A4GALT: variants seen among roughly 807,000 people sequenced by gnomAD.
A4GALT encodes the protein lactosylceramide 4-alpha-galactosyltransferase.
For missense variants in A4GALT, 512 were observed against 486.0 expected, an observed-to-expected ratio of 1.05 and a Z score of -0.50; for synonymous variants, 257 against 220.7, an observed-to-expected ratio of 1.16 and a Z score of -1.46.
chr22:42,715,931 C>G lies in A4GALT; in HGVS notation c.-188+4866G>C, dbSNP rs1922138285. On this transcript the variant is annotated intron_variant, in intron 1 of 2. Coordinates refer to ENST00000642412, the MANE Select transcript of A4GALT (RefSeq NM_017436.7). ...CACTGCAAACTCCGCCTCCTGCGTT[C>G]AAGCGATTCTTCTGCCTCAGCCTCC... Among the ~76,000 whole-genome samples the G allele has an allele frequency of 2.6e-5, 4 of 151,526 alleles. No homozygotes were observed. In the South Asian group the frequency reaches 8.3e-4, roughly 31 times the overall value.
At chr22:42,718,604 A>G (rs1236261969) in intron 1 of A4GALT, 2 of 152,184 alleles carry the variant, frequency 1.3e-5, no homozygotes, top group Non-Finnish European at 2.9e-5. Flanking sequence ...AAAAAAAGGC[A>G]AATGTTAACA....
intron 1 of A4GALT, among the ~76,000 whole-genome samples, chr22:42,713,383 A>G (rs2147035561): frequency 6.6e-6 from 1 of 152,358 alleles, no homozygotes; most frequent in South Asian, 2.1e-4. Flanking sequence ...TTGACTGTTC[A>G]TCCAACAAGT....
chr22:42,717,455 G>A (rs1922291266), intron 1 of A4GALT, among the ~76,000 whole-genome samples: 1 of 152,096 alleles, frequency 6.6e-6, no homozygotes, highest in South Asian at 2.1e-4. Flanking sequence ...CTCTGGGGAA[G>A]ATCAAAGCCA....
chr22:42,692,537 T>C lies in A4GALT; in HGVS notation c.*353A>G. On this transcript the variant is annotated 3_prime_UTR_variant, in exon 3 of 3. Coordinates refer to ENST00000642412, the MANE Select transcript of A4GALT (RefSeq NM_017436.7). This position sits in a 1 kb window ranked among gnomAD's most constrained non-coding sequence, Gnocchi z 4.6. ...TCTTGTCCCTTCTTCCCCATCCCCT[T>C]AGCACCGGCCTCTGCCCTCGTGGGC... The C allele has an allele frequency of 2.3e-6, 1 of 432,350 alleles. No individual in the cohort carries two copies. The highest frequency in any genetic ancestry group is 1.8e-5 in the South Asian group (1 of 54,594). 26.8% of individuals were successfully genotyped at this position (432,350 alleles called of 1,614,324 possible).
chr22:42,709,921 G>A (rs1009719687), intron 1 of A4GALT, among the ~76,000 whole-genome samples: 1 of 152,160 alleles, frequency 6.6e-6, no homozygotes, highest in African/African-American at 2.4e-5. Context: ...GATCTAAGCA[G>A]AAAAATCATC....
chr22:42,713,263 A>G (rs1403822665), intron 1 of A4GALT, among the ~76,000 whole-genome samples: 1 of 152,228 alleles, frequency 6.6e-6, no homozygotes, highest in East Asian at 1.9e-4. Context: ...AAGGGTGCAG[A>G]AGACCAAGTC....
intron 1 of A4GALT, among the ~76,000 whole-genome samples, chr22:42,713,032 G>A (rs984499816): frequency 1.3e-5 from 2 of 152,160 alleles, no homozygotes; most frequent in Non-Finnish European, 2.9e-5. Flanking sequence ...GAAGGGGCCT[G>A]TCTATCTTCT....
In A4GALT at chr22:42,693,569, A is replaced by C; in HGVS notation, c.383T>G (p.Leu128Arg). ...PGGNASLPRH[L>R]GISLLSCFPN... The stretch of plus-strand genomic sequence containing the variant: ...GAAGCAGCTCAGAAGTGAGATGCCC[A>C]GGTGCCGGGGCAGAGAGGCGTTGCC... Residue 128 changes from leucine to arginine, a missense_variant, in exon 3 of 3, where the codon CTG (leucine) becomes CGG (arginine). Transcript: ENST00000642412. 1 of 1,613,660 alleles carries C rather than the reference A, an allele frequency of 6.2e-7. No homozygotes were observed. The highest frequency in any genetic ancestry group is 1.1e-5 in the South Asian group (1 of 91,082).
intron 1 of A4GALT, among the ~76,000 whole-genome samples, chr22:42,711,498 T>C (rs1921691653): frequency 6.6e-6 from 1 of 152,222 alleles, no homozygotes; most frequent in African/African-American, 2.4e-5. Context: ...TTGAAGAGGC[T>C]GATTAAATAA....
intron 2 of A4GALT, 149 bp from the exon 3 acceptor site, chr22:42,694,146 C>G (rs1466300690): frequency 1.6e-6 from 1 of 618,022 alleles, no homozygotes; most frequent in Non-Finnish European, 2.8e-6. Flanking sequence ...TGAACCCCAG[C>G]CTGCTGGCTG....
chr22:42,697,162 A>T (rs79365412), intron 1 of A4GALT, among the ~76,000 whole-genome samples: 16,233 of 152,130 alleles, frequency 0.11, 1,528 homozygotes, highest in East Asian at 0.55. Flanking sequence ...CAGTGATTCC[A>T]TGAGTTAACC....
intron 1 of A4GALT, among the ~76,000 whole-genome samples, chr22:42,701,154 C>T (rs916310411): frequency 2.0e-5 from 3 of 152,344 alleles, no homozygotes; most frequent in East Asian, 1.9e-4. Flanking sequence ...CGTTGCCTCA[C>T]GGCTTCCTTC....
chr22:42,706,864 A>T (rs9620083), intron 1 of A4GALT, among the ~76,000 whole-genome samples: 52,647 of 151,798 alleles, frequency 0.35, 10,200 homozygotes, highest in South Asian at 0.45. Context: ...GCTGGGGCAA[A>T]AATCTTAATA....
chr22:42,710,601 G>A (rs1921595774), intron 1 of A4GALT, among the ~76,000 whole-genome samples: 1 of 152,096 alleles, frequency 6.6e-6, no homozygotes, highest in African/African-American at 2.4e-5. Flanking sequence ...AGAGGCTGAG[G>A]TGGGAGGATA....
At chr22:42,695,858 G>C (rs560190320) in intron 1 of A4GALT, among the ~76,000 whole-genome samples, 4 of 152,108 alleles carry the variant, frequency 2.6e-5, no homozygotes, top group Admixed American at 6.5e-5. Context: ...CAGTCTGGTG[G>C]GGGCATCATT....
intron 1 of A4GALT, among the ~76,000 whole-genome samples, chr22:42,713,826 A>G (rs996593492): frequency 1.4e-5 from 2 of 138,238 alleles, no homozygotes; most frequent in Admixed American, 7.4e-5. Flanking sequence ...AAAAAAAAAA[A>G]AAAAGACAGA....
chr22:42,709,067 A>ATATATATATATT (rs1180529043), intron 1 of A4GALT, among the ~76,000 whole-genome samples: 10 of 128,832 alleles, frequency 7.8e-5, no homozygotes, highest in African/African-American at 2.5e-4. Context: ...ATATATATAT[A>ATATATATATATT]TTTTTTTTAA....
At chr22:42,712,432 C>T (rs1921777611) in intron 1 of A4GALT, among the ~76,000 whole-genome samples, 1 of 152,228 alleles carries the variant, frequency 6.6e-6, no homozygotes, top group Admixed American at 6.5e-5. Flanking sequence ...GCAGAGATCC[C>T]AGAGATGCAA....
At chr22:42,717,606 G>A (rs1422443701) in intron 1 of A4GALT, among the ~76,000 whole-genome samples, 1 of 152,104 alleles carries the variant, frequency 6.6e-6, no homozygotes, top group African/African-American at 2.4e-5. Flanking sequence ...TCCTTCTCCT[G>A]GGCCTGAGGG....
Sources: gnomAD v4.1 joint callset for allele counts (sites outside exome capture counted in the v4.1 genomes callset) on GRCh38, gnomAD v4.1.1 for gene constraint, Gnocchi (gnomAD v3.1) non-coding constraint, MANE v1.5 for transcripts, NCBI Gene and HGNC (gene_info 2026-07-23, HGNC 2026-07-21) for gene names.